SRP19: variants seen among roughly 807,000 people sequenced by gnomAD.
The protein encoded by SRP19 is signal recognition particle 19.
A neutral mutation model predicts 22.4 loss-of-function variants in SRP19; 11 were observed. The observed-to-expected ratio is 0.49, with a 90% CI of 0.31 to 0.81. The LOEUF is 0.81. Among genes scored for constraint, SRP19 ranks in the 40% least tolerant of loss-of-function variants. The pLI is 0.05. For missense variants in SRP19, 168 were observed against 175.9 expected, an observed-to-expected ratio of 0.96 and a Z score of 0.25; for synonymous variants, 61 against 57.6, an observed-to-expected ratio of 1.06 and a Z score of -0.27.
chr5:112,887,163 GCAC>G, intron 4 of SRP19: 3 of 1,605,254 alleles, frequency 1.9e-6, no homozygotes, highest in Non-Finnish European at 2.6e-6. Flanking sequence ...TCGGGGCCAT[GCAC>G]CACAACAGGA....
In SRP19 at chr5:112,862,503, G is replaced by A; in HGVS notation, c.42-5G>A. On this transcript the variant is annotated splice_polypyrimidine_tract_variant and splice_region_variant and intron_variant, in intron 1 of 4. Transcript: ENST00000505459. ...TGATACCACTTATGCTATTGTCTAT[G>A]GCAGGTTTATTTGTATCTATCCTGC... 1 of 1,612,400 alleles carries A rather than the reference G, an allele frequency of 6.2e-7. No homozygotes were observed. The highest frequency in any genetic ancestry group is 1.1e-5 in the South Asian group (1 of 90,998).
intron 2 of SRP19, among the ~76,000 whole-genome samples, chr5:112,862,843 CAT>C (rs1207328914): frequency 6.6e-6 from 1 of 152,122 alleles, no homozygotes; most frequent in East Asian, 1.9e-4. Flanking sequence ...GTAGAGTTCA[CAT>C]GTTTTTAAAA....
exon 5 of SRP19, chr5:112,891,783 C>G (rs370697422): frequency 1.7e-5 from 27 of 1,612,974 alleles, no homozygotes; most frequent in East Asian, 4.5e-5. Flanking sequence ...ACTCAGGACT[C>G]TCACAGGAGG....
At chr5:112,862,657 T>G in intron 2 of SRP19, 74 bp downstream of exon 2, 1 of 1,332,958 alleles carries the variant, frequency 7.5e-7, no homozygotes, top group Non-Finnish European at 1.1e-6. Context: ...CGTAATCTTG[T>G]TAGAGCCGCA....
chr5:112,878,004 TG>T (rs1767950454), intron 4 of SRP19: 1 of 147,836 alleles, frequency 6.8e-6, no homozygotes, highest in Admixed American at 6.9e-5. Flanking sequence ...TGTGTGTGTG[TG>T]TGTGTGTGTG....
exon 5 of SRP19, chr5:112,892,658 CCAA>C: frequency 6.2e-7 from 1 of 1,613,898 alleles, no homozygotes; most frequent in South Asian, 1.1e-5. Flanking sequence ...TTCAGAAATC[CCAA>C]CAATGAATTC....
At chr5:112,887,877 AAAT>A (rs1371307306) in intron 4 of SRP19, among the ~76,000 whole-genome samples, 8 of 152,252 alleles carry the variant, frequency 5.3e-5, no homozygotes, top group African/African-American at 1.9e-4. Flanking sequence ...CTGTTGATTC[AAAT>A]AATAAATACC....
At chr5:112,892,801 C>T (rs1253814440) in exon 5 of SRP19, 4 of 1,613,640 alleles carry the variant, frequency 2.5e-6, no homozygotes, top group Non-Finnish European at 3.4e-6. Context: ...AAGGAGAAAC[C>T]CTAGTCCAGA....
At chr5:112,891,898 G>T in exon 5 of SRP19, 1 of 1,338,736 alleles carries the variant, frequency 7.5e-7, no homozygotes, top group Non-Finnish European at 1.1e-6. Context: ...GGAGCAGAAG[G>T]CACAAGAAGA....
In SRP19 at chr5:112,869,574, A is replaced by G. The variant is rs1418895576; in HGVS notation, c.*2037A>G. ...ATACTATGTTTTTGCCTATGTATATATACTTGATATGGTTTGGCTGCTACC... is the reference window on the plus strand; with the variant it reads ...ATACTATGTTTTTGCCTATGTATATGTACTTGATATGGTTTGGCTGCTACC... On this transcript the variant is annotated 3_prime_UTR_variant, in exon 5 of 5. Coordinates refer to ENST00000505459, the MANE Select transcript of SRP19 (RefSeq NM_003135.3). The G allele has an allele frequency of 6.6e-6, 1 of 152,260 alleles. No homozygotes were observed. Among genetic ancestry groups the G allele is most frequent in the East Asian group, 1.9e-4 (1 of 5,192 alleles). The allele number at this position is 152,260 out of a possible 1,614,324, so 9.4% of individuals were successfully genotyped here.
chr5:112,893,094 T>TAAAAAAAAAAAAAAA (rs552226372), downstream of SRP19: 95 of 501,474 alleles, frequency 1.9e-4, no homozygotes, highest in South Asian at 2.5e-4. Context: ...GTTTTGTTCT[T>TAAAAAAAAAAAAAAA]AAAAAAAAAA....
chr5:112,877,330 T>G (rs1410342159), intron 4 of SRP19: 1 of 152,240 alleles, frequency 6.6e-6, no homozygotes, highest in Non-Finnish European at 1.5e-5. Flanking sequence ...CTGTACTGGC[T>G]GGATATTTAA....
chr5:112,891,080 T>G (rs1768429034), intron 4 of SRP19, among the ~76,000 whole-genome samples: 1 of 150,398 alleles, frequency 6.6e-6, no homozygotes, highest in Non-Finnish European at 1.5e-5. Context: ...TTATTTTTAT[T>G]TTTTATTTTT....
At chr5:112,893,094 T>TA (rs552226372), downstream of SRP19, 15,533 of 494,398 alleles carry the variant, frequency 0.031, 49 homozygotes, top group Admixed American at 0.048. Context: ...GTTTTGTTCT[T>TA]AAAAAAAAAA....
intron 4 of SRP19, among the ~76,000 whole-genome samples, chr5:112,883,485 CA>C (rs1401374784): frequency 5.9e-5 from 9 of 152,160 alleles, no homozygotes; most frequent in Non-Finnish European, 1.3e-4. Context: ...CTCAATTGGC[CA>C]CTCCTTATCA....
At chr5:112,878,875 C>G in intron 4 of SRP19, 1 of 1,613,526 alleles carries the variant, frequency 6.2e-7, no homozygotes, top group Non-Finnish European at 8.5e-7. Context: ...TATATCAAAG[C>G]TCTTTCTTTG....
intron 4 of SRP19, among the ~76,000 whole-genome samples, chr5:112,881,582 C>G (rs1768076478): frequency 6.6e-6 from 1 of 152,086 alleles, no homozygotes. Flanking sequence ...CTCTCATGAC[C>G]CTAGTACAAA....
downstream of SRP19, chr5:112,893,094 T>TAAAAAAAAAAAAAAAA (rs552226372): frequency 2.5e-4 from 123 of 501,462 alleles, no homozygotes; most frequent in Non-Finnish European, 2.8e-4. Context: ...GTTTTGTTCT[T>TAAAAAAAAAAAAAAAA]AAAAAAAAAA....
exon 5 of SRP19, chr5:112,892,730 A>G: frequency 6.2e-7 from 1 of 1,614,122 alleles, no homozygotes; most frequent in Non-Finnish European, 8.5e-7. Context: ...TCCTTTGGCA[A>G]GAACTCCGAG....
Sources: allele counts gnomAD v4.1 joint callset (sites outside exome capture counted in the v4.1 genomes callset), GRCh38; gene constraint gnomAD v4.1.1; transcripts MANE v1.5; gene names NCBI Gene and HGNC (gene_info 2026-07-23, HGNC 2026-07-21).